The following XYLB variants were observed in gnomAD, a reference collection of about 807,000 sequenced individuals.
The protein encoded by XYLB is xylulokinase.
A neutral mutation model predicts 78.7 loss-of-function variants in XYLB; 62 were observed. The observed-to-expected ratio is 0.79, with a 90% CI of 0.64 to 0.97. XYLB has a LOEUF of 0.97. Among genes scored for constraint, XYLB ranks in the 50% least tolerant of loss-of-function variants. XYLB has a pLI of 0.00. For missense variants in XYLB, 687 were observed against 676.8 expected, an observed-to-expected ratio of 1.02 and a Z score of -0.17; for synonymous variants, 245 against 247.4, an observed-to-expected ratio of 0.99 and a Z score of 0.09.
intron 15 of XYLB, 93 bp downstream of exon 15, chr3:38,379,435 A>C (rs1459870739): frequency 7.8e-7 from 1 of 1,276,046 alleles, no homozygotes; most frequent in African/African-American, 1.5e-5. Context: ...TATCTACTAA[A>C]GTTTTCTTAC....
At chr3:38,377,718 G>A (rs1706936428) in intron 14 of XYLB, among the ~76,000 whole-genome samples, 1 of 152,072 alleles carries the variant, frequency 6.6e-6, no homozygotes, top group Admixed American at 6.6e-5. Context: ...GGGATTACAG[G>A]TTTGAGCCAC....
At chr3:38,412,187 C>T (rs879679308) in intron 18 of XYLB, among the ~76,000 whole-genome samples, 1 of 152,214 alleles carries the variant, frequency 6.6e-6, no homozygotes, top group East Asian at 1.9e-4. Context: ...GACGGGGTTT[C>T]ACCAGGTTGG....
At chr3:38,392,670 C>T (rs1455408445) in intron 15 of XYLB, among the ~76,000 whole-genome samples, 1 of 152,098 alleles carries the variant, frequency 6.6e-6, no homozygotes, top group Non-Finnish European at 1.5e-5. Flanking sequence ...CATTCTTTCC[C>T]ATTTTTCTAT....
At chr3:38,393,049 A>G (rs1707732918) in intron 15 of XYLB, among the ~76,000 whole-genome samples, 1 of 152,138 alleles carries the variant, frequency 6.6e-6, no homozygotes. Flanking sequence ...TCCAAACACT[A>G]TTTACTAAGT....
At chr3:38,446,226 T>C in the XYLB span, among the ~76,000 whole-genome samples, 1 of 152,196 alleles carries the variant, frequency 6.6e-6, no homozygotes, top group African/African-American at 2.4e-5. Context: ...ATTAGAGTGC[T>C]GATTGGTCCA....
rs564851810 is a variant in XYLB at position 38,378,558 on chromosome 3, T to C, written c.1195-688T>C. Among the ~76,000 whole-genome samples, 9 of 152,236 alleles carry C rather than the reference T, an allele frequency of 5.9e-5. No individual in the cohort carries two copies. The East Asian group carries it at 1.7e-3, about 29-fold the overall frequency. On this transcript the variant is annotated intron_variant, in intron 14 of 18. Transcript: ENST00000207870. ...CCTGGGCGTCTCTGAGAAGGTGGCC[T>C]TTAGGTTGAGACCTGAAAGTACTCA...
intron 2 of XYLB, among the ~76,000 whole-genome samples, chr3:38,355,035 C>G (rs1327271814): frequency 6.6e-6 from 1 of 152,202 alleles, no homozygotes; most frequent in Non-Finnish European, 1.5e-5. Flanking sequence ...GTACCCACAC[C>G]CTTTGCAATG....
At chr3:38,397,030 G>A (rs1707899306) in intron 16 of XYLB, 42 bp from the exon 17 acceptor site, 2 of 1,599,982 alleles carry the variant, frequency 1.3e-6, no homozygotes, top group Admixed American at 1.7e-5. Context: ...TGTTCCCTCT[G>A]AGGAATGGCT....
the XYLB span, among the ~76,000 whole-genome samples, chr3:38,428,221 A>G: frequency 7.9e-5 from 12 of 152,176 alleles, no homozygotes; most frequent in Non-Finnish European, 1.6e-4. Context: ...AAACTTACTG[A>G]CATTTATTTT....
At chr3:38,435,093 A>G in the XYLB span, among the ~76,000 whole-genome samples, 1 of 152,192 alleles carries the variant, frequency 6.6e-6, no homozygotes, top group South Asian at 2.1e-4. Flanking sequence ...CCGAGATCAC[A>G]CCACTTCACT....
intron 5 of XYLB, 129 bp downstream of exon 5, chr3:38,365,414 C>T: frequency 2.2e-6 from 3 of 1,365,346 alleles, no homozygotes; most frequent in Non-Finnish European, 3.0e-6. Context: ...CTTTCAACCT[C>T]AGGCTTTTGG....
intron 18 of XYLB, among the ~76,000 whole-genome samples, chr3:38,402,932 A>G (rs1708174697): frequency 1.3e-5 from 2 of 152,220 alleles, no homozygotes; most frequent in Non-Finnish European, 2.9e-5. Context: ...AATGATTAAA[A>G]TTAATTTTAA....
chr3:38,395,567 A>G lies in XYLB; in HGVS notation c.1350+4A>G, dbSNP rs749391500. 6 of 1,614,120 alleles carry G rather than the reference A, an allele frequency of 3.7e-6. No homozygotes were observed. In the South Asian group the frequency reaches 6.6e-5, roughly 18 times the overall value. ...TCACAATAGAGAAATCTTACAGGTA[A>G]GCGTTAGTAGTGGGCCTTACACCAT... On this transcript the variant is annotated splice_donor_region_variant and intron_variant, in intron 16 of 18. Transcript: ENST00000207870.
the XYLB span, among the ~76,000 whole-genome samples, chr3:38,450,538 C>T: frequency 6.6e-6 from 1 of 152,230 alleles, no homozygotes; most frequent in African/African-American, 2.4e-5. Context: ...ATAAATTCTA[C>T]AGCAGACATT....
At chr3:38,434,733 A>G in the XYLB span, among the ~76,000 whole-genome samples, 5 of 152,240 alleles carry the variant, frequency 3.3e-5, no homozygotes, top group African/African-American at 1.2e-4. Flanking sequence ...AAAAGAAACA[A>G]AGAATATGCA....
At chr3:38,405,377 A>AC (rs57479012) in intron 18 of XYLB, among the ~76,000 whole-genome samples, 4,130 of 149,938 alleles carry the variant, frequency 0.028, 68 homozygotes, top group Non-Finnish European at 0.042. Flanking sequence ...TCTTTAAAAA[A>AC]AAAAAAAAAA....
chr3:38,397,538 C>A (rs1396365012), intron 17 of XYLB, among the ~76,000 whole-genome samples: 1 of 152,078 alleles, frequency 6.6e-6, no homozygotes, highest in African/African-American at 2.4e-5. Context: ...GAAGTTGAAA[C>A]AAAGGGGAAG....
At chr3:38,433,764 A>G in the XYLB span, among the ~76,000 whole-genome samples, 1 of 152,174 alleles carries the variant, frequency 6.6e-6, no homozygotes, top group Admixed American at 6.5e-5. Context: ...AGTCTCTAGG[A>G]AGTTCCAAAC....
chr3:38,441,558 G>A, the XYLB span, among the ~76,000 whole-genome samples: 1 of 152,324 alleles, frequency 6.6e-6, no homozygotes, highest in South Asian at 2.1e-4. Flanking sequence ...AAAAGTAGCA[G>A]GGTTGAGGGC....
Sources: allele counts gnomAD v4.1 joint callset (sites outside exome capture counted in the v4.1 genomes callset), GRCh38; gene constraint gnomAD v4.1.1; transcripts MANE v1.5; gene names NCBI Gene and HGNC (gene_info 2026-07-23, HGNC 2026-07-21).